SMCHD1: variants seen among roughly 807,000 people sequenced by gnomAD.
The protein encoded by SMCHD1 is structural maintenance of chromosomes flexible hinge domain-containing protein 1.
A neutral mutation model predicts 254.7 loss-of-function variants in SMCHD1; 78 were observed. The ratio of observed to expected loss-of-function variants is 0.31; its 90% CI spans 0.26 to 0.37. The LOEUF (loss-of-function observed/expected upper bound fraction) is 0.37, where lower values mean the gene tolerates loss of function less well. Ranked by LOEUF, SMCHD1 falls within the 10% of genes least tolerant of loss-of-function variation. SMCHD1 has a pLI of 1.00. For synonymous variants in SMCHD1, 766 were observed against 794.9 expected (o/e 0.96, Z 0.61); for missense variants, 1,840 against 2,408.1 (o/e 0.76, Z 4.94).
intron 5 of SMCHD1, among the ~76,000 whole-genome samples, chr18:2,678,047 C>T (rs760399097): frequency 6.6e-6 from 1 of 152,194 alleles, no homozygotes; most frequent in Non-Finnish European, 1.5e-5. Context: ...TCCTACTTAG[C>T]TTTGTTCTCC....
chr18:2,753,994 AG>A (rs2075624641), intron 34 of SMCHD1, among the ~76,000 whole-genome samples: 1 of 152,070 alleles, frequency 6.6e-6, no homozygotes, highest in South Asian at 2.1e-4. Flanking sequence ...CCTTTTGTGA[AG>A]TGCCTTTTTT....
chr18:2,788,616 A>G (rs1383338442), intron 45 of SMCHD1, among the ~76,000 whole-genome samples: 1 of 151,768 alleles, frequency 6.6e-6, no homozygotes, highest in Non-Finnish European at 1.5e-5. Flanking sequence ...ATTTTATTTT[A>G]CTTTTTGAGA....
At chr18:2,744,435 T>A (rs79408884) in intron 29 of SMCHD1, among the ~76,000 whole-genome samples, 1 of 152,162 alleles carries the variant, frequency 6.6e-6, no homozygotes, top group Non-Finnish European at 1.5e-5. Context: ...TTTTTTTTTT[T>A]ACTGAAGTTT....
At chr18:2,747,017 T>A (rs1175024875) in intron 29 of SMCHD1, among the ~76,000 whole-genome samples, 1 of 152,202 alleles carries the variant, frequency 6.6e-6, no homozygotes, top group Non-Finnish European at 1.5e-5. Flanking sequence ...CTGCTTTTAA[T>A]GCACAATAGC....
intron 7 of SMCHD1, among the ~76,000 whole-genome samples, chr18:2,690,182 G>T (rs2074143932): frequency 6.6e-6 from 1 of 152,112 alleles, no homozygotes; most frequent in Non-Finnish European, 1.5e-5. Flanking sequence ...TTCTAATTCA[G>T]CTTTTTAAAA....
chr18:2,793,735 G>A (rs946015630), intron 45 of SMCHD1, among the ~76,000 whole-genome samples: 8 of 151,566 alleles, frequency 5.3e-5, no homozygotes, highest in African/African-American at 1.5e-4. Flanking sequence ...TCAATAAAGC[G>A]TAAGGAACTT....
At position 2,770,203 on chromosome 18, in the gene SMCHD1, T is replaced by C. The variant is rs8098934; in HGVS notation, c.4966+95T>C. The C allele has an allele frequency of 0.01, 13,201 of 1,282,680 alleles. 1,024 individuals are homozygous for C. The African/African-American group carries it at 0.17, about 17-fold the overall frequency. The allele number at this position is 1,282,680 out of a possible 1,614,324, so 79.5% of individuals were successfully genotyped here. A position where few individuals can be genotyped will look rare whatever the true frequency, so the allele number is the denominator to read the frequency against. The stretch of plus-strand genomic sequence containing the variant: ...ACAAACAAGCTTCCACTTTCCTAAA[T>C]TACAAGTAAAATACAGAATGTTTCA... On this transcript the variant is annotated intron_variant, in intron 39 of 47. Transcript: ENST00000320876.
chr18:2,772,391 T>G lies in SMCHD1; in HGVS notation c.5175+19T>G. 2 of 1,527,276 alleles carry G rather than the reference T, an allele frequency of 1.3e-6. No individual in the cohort carries two copies. The highest frequency in any genetic ancestry group is 1.8e-6 in the Non-Finnish European group (2 of 1,141,794). 94.6% of individuals were successfully genotyped at this position (1,527,276 alleles called of 1,614,324 possible). Reference sequence around the variant, plus strand: ...GGGAAAGGTTTGTGTTTATTAAGCCTTTTGAAAGGCAGTACATTTTATTAT... The same window carrying G: ...GGGAAAGGTTTGTGTTTATTAAGCCGTTTGAAAGGCAGTACATTTTATTAT... On this transcript the variant is annotated intron_variant, in intron 41 of 47. Transcript: ENST00000320876.
intron 47 of SMCHD1, chr18:2,801,000 G>A (rs938633312): frequency 3.9e-5 from 6 of 152,058 alleles, no homozygotes; most frequent in African/African-American, 1.2e-4. Flanking sequence ...TACAAATATT[G>A]TTGCTGAAAT....
chr18:2,777,777 A>T (rs1295927119), intron 42 of SMCHD1, 29 bp from the exon 43 acceptor site: 1 of 1,255,826 alleles, frequency 8.0e-7, no homozygotes, highest in East Asian at 2.6e-5. Flanking sequence ...ATGTGCTTTA[A>T]TATCTTTTTA....
At position 2,743,741 on chromosome 18, in the gene SMCHD1, A is replaced by C; in HGVS notation, c.3634-20A>C. On this transcript the variant is annotated intron_variant, in intron 28 of 47. Coordinates refer to ENST00000320876, the MANE Select transcript of SMCHD1 (RefSeq NM_015295.3). ...CTAAGTGATACCCCCTGTCTTTCTCAATGTACTTTTCCTCACTAGGAAAAC... is the reference window on the plus strand; with the variant it reads ...CTAAGTGATACCCCCTGTCTTTCTCCATGTACTTTTCCTCACTAGGAAAAC... The C allele has an allele frequency of 6.4e-7, 1 of 1,566,652 alleles. No individual in the cohort carries two copies. The highest frequency in any genetic ancestry group is 8.7e-7 in the Non-Finnish European group (1 of 1,152,366).
chr18:2,731,763 G>C (rs1350363687), intron 24 of SMCHD1, among the ~76,000 whole-genome samples: 2 of 152,218 alleles, frequency 1.3e-5, no homozygotes, highest in African/African-American at 2.4e-5. Context: ...TGTAATCCCA[G>C]CACTTTGGAA....
chr18:2,762,048 C>T, intron 35 of SMCHD1, 57 bp from the exon 36 acceptor site: 2 of 1,470,230 alleles, frequency 1.4e-6, no homozygotes, highest in Non-Finnish European at 1.9e-6. Context: ...TTCCCTTCCT[C>T]TTAAATGCTA....
intron 34 of SMCHD1, among the ~76,000 whole-genome samples, chr18:2,755,951 A>G (rs1413140170): frequency 6.6e-6 from 1 of 152,162 alleles, no homozygotes; most frequent in Non-Finnish European, 1.5e-5. Context: ...GATCATCCTA[A>G]TCTGGTTTCG....
Position 2,718,365 on chromosome 18 carries a change from A to T in SMCHD1, c.2389A>T (p.Asn797Tyr). The T allele has an allele frequency of 6.2e-7, 1 of 1,612,414 alleles. No individual in the cohort carries two copies. The highest frequency in any genetic ancestry group is 8.5e-7 in the Non-Finnish European group (1 of 1,178,790). Residue 797 changes from asparagine to tyrosine, a missense_variant, in exon 19 of 48, where the codon AAT becomes TAT. Physicochemically the swap from Asn to Tyr is moderately radical, Grantham distance 143. Transcript: ENST00000320876. The surrounding 1 kb of genome is among the most constrained non-coding windows in gnomAD (Gnocchi z 4.6). ...TACCTTGAAATTACAAGTTGTGTTG[A>T]ATGAAAGTAATGCAGACACTTATGC... ...NYTLKLQVVL[N>Y]ESNADTYAGR...
rs1235565746 is a variant in SMCHD1 at position 2,722,553 on chromosome 18, G to T, written c.2493G>T (p.Leu831=). ...CAGAGAAATTTTCATTTGGTCTTCT[G>T]GATCTTCCTTTTCGTGTTGGAGTTC... ...GKPEKFSFGL[L]DLPFRVGVPF... The change falls in exon 20 of 48, where the codon CTG becomes CTT. Residue 831 remains leucine, a synonymous_variant. Coordinates refer to ENST00000320876, the MANE Select transcript of SMCHD1 (RefSeq NM_015295.3). 2 of 1,612,904 alleles carry T rather than the reference G, an allele frequency of 1.2e-6. No individual in the cohort carries two copies. The highest frequency in any genetic ancestry group is 2.7e-5 in the African/African-American group (2 of 74,834).
chr18:2,697,419 A>C (rs1406286429), intron 9 of SMCHD1, among the ~76,000 whole-genome samples: 1 of 152,234 alleles, frequency 6.6e-6, no homozygotes, highest in Non-Finnish European at 1.5e-5. Flanking sequence ...GAGATAATGT[A>C]GCTTTCCTTT....
intron 7 of SMCHD1, among the ~76,000 whole-genome samples, chr18:2,689,207 CAT>C (rs1317166436): frequency 6.8e-6 from 1 of 146,900 alleles, no homozygotes; most frequent in East Asian, 2.0e-4. Context: ...TTGTTTGAAA[CAT>C]GATTTTTTTT....
At chr18:2,776,964 C>T (rs1380314753) in intron 42 of SMCHD1, among the ~76,000 whole-genome samples, 2 of 152,028 alleles carry the variant, frequency 1.3e-5, no homozygotes, top group African/African-American at 4.8e-5. Context: ...TACTCACAGG[C>T]ACAGTCATAG....
Sources: gnomAD v4.1 joint callset for allele counts (sites outside exome capture counted in the v4.1 genomes callset) on GRCh38, gnomAD v4.1.1 for gene constraint, Gnocchi (gnomAD v3.1) non-coding constraint, MANE v1.5 for transcripts, NCBI Gene and HGNC (gene_info 2026-07-23, HGNC 2026-07-21) for gene names.